The following RHEB variants were observed in gnomAD, a reference collection of about 807,000 sequenced individuals.
The protein encoded by RHEB is GTP-binding protein Rheb.
Under a neutral mutation model 28.8 loss-of-function variants are expected in RHEB, and 2 were observed. The observed-to-expected ratio is 0.07, with a 90% confidence interval of 0.03 to 0.22. The LOEUF is 0.22. Ranked by LOEUF, RHEB falls within the 10% of genes least tolerant of loss-of-function variation. The probability of loss-of-function intolerance (pLI) is 1.00; values close to 1 mark genes in which losing one functional copy is unlikely to be tolerated. For synonymous variants in RHEB, 69 were observed against 77.3 expected, an observed-to-expected ratio of 0.89 and a Z score of 0.56; for missense variants, 76 against 219.9, an observed-to-expected ratio of 0.35 and a Z score of 4.14.
At position 151,470,658 on chromosome 7, in the gene RHEB, G is replaced by GA. The variant is rs765337164; in HGVS notation, c.381-7dup. The GA allele has an allele frequency of 1.3e-6, 2 of 1,593,556 alleles. No homozygotes were observed. Among genetic ancestry groups the GA allele is most frequent in the Non-Finnish European group, 1.7e-6 (2 of 1,167,348 alleles). On this transcript the variant is annotated splice_polypyrimidine_tract_variant and splice_region_variant and intron_variant, in intron 6 of 7. Transcript: ENST00000262187. ...CTTCTTCATAACTGATCACCCTAAA[G>GA]AAAAAATAAAATTCTAGTTAAAGTA... is the stretch of plus-strand genomic sequence containing the variant.
intron 1 of RHEB, among the ~76,000 whole-genome samples, chr7:151,494,334 T>C (rs892830557): frequency 6.6e-6 from 1 of 151,688 alleles, no homozygotes; most frequent in Non-Finnish European, 1.5e-5. Context: ...CTTGCGGGAG[T>C]GAAGGGACGG....
intron 1 of RHEB, among the ~76,000 whole-genome samples, chr7:151,505,751 T>A (rs1481088483): frequency 6.6e-6 from 1 of 152,204 alleles, no homozygotes; most frequent in Non-Finnish European, 1.5e-5. Flanking sequence ...ATAACCCAAA[T>A]ATCCACCAAT....
chr7:151,497,966 C>A (rs1397643981), intron 1 of RHEB: 2 of 439,302 alleles, frequency 4.6e-6, no homozygotes, highest in Non-Finnish European at 8.8e-6. Flanking sequence ...CTCCCCTTTG[C>A]TCTCAGTGTT....
chr7:151,507,540 A>T (rs1802907756), intron 1 of RHEB, among the ~76,000 whole-genome samples: 1 of 152,154 alleles, frequency 6.6e-6, no homozygotes, highest in African/African-American at 2.4e-5. Flanking sequence ...ATTGTACAGA[A>T]CCTAAAAAGT....
At chr7:151,487,175 C>T (rs1313615873) in intron 2 of RHEB, among the ~76,000 whole-genome samples, 4 of 152,182 alleles carry the variant, frequency 2.6e-5, no homozygotes, top group Admixed American at 1.3e-4. Flanking sequence ...TGGTGGCTCA[C>T]GCCTGTAGTC....
chr7:151,501,043 T>G (rs752899279), intron 1 of RHEB, among the ~76,000 whole-genome samples: 1 of 152,104 alleles, frequency 6.6e-6, no homozygotes, highest in African/African-American at 2.4e-5. Context: ...GAAGAAGCAT[T>G]GGAAAAAAAT....
rs1240333654 is a variant in RHEB, at chr7:151,468,508, C to T, written c.463-1297G>A. Among the ~76,000 whole-genome samples, 1 of 152,250 alleles carries T rather than the reference C, an allele frequency of 6.6e-6. No individual in the cohort carries two copies. Among genetic ancestry groups the T allele is most frequent in the Non-Finnish European group, 1.5e-5 (1 of 68,038 alleles). On this transcript the variant is annotated intron_variant, in intron 7 of 7. Transcript: ENST00000262187. The surrounding 1 kb of genome is among the most constrained non-coding windows in gnomAD (Gnocchi z 4.3). ...GCGCAGACACTTGGTGCTGCCTAGCCACCCGCCTGCATCCCTGGATCTGGG... is the reference window on the plus strand; with the variant it reads ...GCGCAGACACTTGGTGCTGCCTAGCTACCCGCCTGCATCCCTGGATCTGGG...
At chr7:151,470,784 C>CATTA (rs1802147009) in intron 6 of RHEB, 132 bp from the exon 7 acceptor site, 1 of 607,590 alleles carries the variant, frequency 1.6e-6, no homozygotes. Context: ...CCTGGCCTAA[C>CATTA]ATTAGCATCA....
rs79912919 is a variant in RHEB, at chr7:151,498,456, A to C, written c.53-7442T>G. ...ACACAGTGAGACCCCCCCAGTCTCTATAAAAAAAATACAAAAAAAAATTAG... is the reference window on the plus strand; with the variant it reads ...ACACAGTGAGACCCCCCCAGTCTCTCTAAAAAAAATACAAAAAAAAATTAG... On this transcript the variant is annotated intron_variant, in intron 1 of 7. Coordinates refer to ENST00000262187, the MANE Select transcript of RHEB (RefSeq NM_005614.4). Among the ~76,000 whole-genome samples the C allele has an allele frequency of 9.5e-3, 1,445 of 152,140 alleles. 22 individuals are homozygous for C. The highest frequency in any genetic ancestry group is 0.032 in the African/African-American group (1,341 of 41,486).
rs561485941 is a variant in RHEB at position 151,497,640 on chromosome 7, C to T, written c.53-6626G>A. 2.6e-5 allele frequency among the ~76,000 whole-genome samples: 4 copies of T among 152,314 alleles called. No individual in the cohort carries two copies. In the East Asian group the frequency reaches 7.7e-4, roughly 29 times the overall value. On this transcript the variant is annotated intron_variant, in intron 1 of 7. Coordinates refer to ENST00000262187, the MANE Select transcript of RHEB (RefSeq NM_005614.4). Reference sequence around the variant, plus strand: ...CCCGATCGCCGCTATCCTCTATTCACCCAGTGTCCCAGCCTTGGTGCACAT... The same window carrying T: ...CCCGATCGCCGCTATCCTCTATTCATCCAGTGTCCCAGCCTTGGTGCACAT...
intron 3 of RHEB, among the ~76,000 whole-genome samples, chr7:151,477,910 A>C (rs772915189): frequency 2.6e-5 from 4 of 151,996 alleles, no homozygotes; most frequent in Non-Finnish European, 5.9e-5. Context: ...CAGCATCTGA[A>C]GGAGAGAGGG....
At chr7:151,493,513 G>A (rs111923380) in intron 1 of RHEB, among the ~76,000 whole-genome samples, 9 of 152,284 alleles carry the variant, frequency 5.9e-5, no homozygotes, top group African/African-American at 1.2e-4. Flanking sequence ...AGGGCCAGCC[G>A]ACACATTGTA....
At chr7:151,511,683 G>A (rs1270556257) in intron 1 of RHEB, among the ~76,000 whole-genome samples, 1 of 145,284 alleles carries the variant, frequency 6.9e-6, no homozygotes, top group African/African-American at 2.6e-5. Context: ...TTTTTGAGAT[G>A]GAGTCTTGCT....
At position 151,502,881 on chromosome 7, in the gene RHEB, T is replaced by C. The variant is rs1584864081; in HGVS notation, c.53-11867A>G. The stretch of plus-strand genomic sequence containing the variant: ...TTTGAACTAAGTCAATCTGATATGT[T>C]TGATCAGAGGTTACAATCGAAAGTT... On this transcript the variant is annotated intron_variant, in intron 1 of 7. Transcript: ENST00000262187. 1.6e-5 allele frequency: 14 copies of C among 850,654 alleles called. No individual in the cohort carries two copies. In the East Asian group the frequency reaches 3.1e-4, roughly 19 times the overall value. 52.7% of individuals were successfully genotyped at this position (850,654 alleles called of 1,614,324 possible). A position where few individuals can be genotyped will look rare whatever the true frequency, so the allele number is the denominator to read the frequency against.
chr7:151,518,007 T>C (rs1436271011), intron 1 of RHEB: 1 of 152,178 alleles, frequency 6.6e-6, no homozygotes, highest in African/African-American at 2.4e-5. Flanking sequence ...AGGCTGCCAA[T>C]AAAGGCTGGA....
intron 1 of RHEB, among the ~76,000 whole-genome samples, chr7:151,515,906 G>C (rs778418520): frequency 6.6e-5 from 10 of 152,128 alleles, no homozygotes; most frequent in Non-Finnish European, 1.2e-4. Context: ...CTTATTAACT[G>C]TATGTAAGAG....
chr7:151,504,514 T>C (rs1316728658), intron 1 of RHEB, among the ~76,000 whole-genome samples: 1 of 152,166 alleles, frequency 6.6e-6, no homozygotes, highest in African/African-American at 2.4e-5. Flanking sequence ...CATTTGCATT[T>C]GGTTGAGGAA....
chr7:151,492,346 G>A (rs1376051504), intron 1 of RHEB, among the ~76,000 whole-genome samples: 1 of 152,154 alleles, frequency 6.6e-6, no homozygotes, highest in Non-Finnish European at 1.5e-5. Context: ...CGGGTGTGGT[G>A]GCTCATGCTT....
rs748149301 is a variant in RHEB at position 151,470,597 on chromosome 7, A to G, written c.436T>C (p.Leu146=). 1 of 1,613,404 alleles carries G rather than the reference A, an allele frequency of 6.2e-7. No homozygotes were observed. The highest frequency in any genetic ancestry group is 1.7e-5 in the Admixed American group (1 of 60,008). ...ALAESWNAAF[L]ESSAKENQTA... ...TGATTTTCTTTAGCAGAAGATTCCAAAAAAGCTGCATTCCAAGATTCTGCC... is the reference window on the plus strand; with the variant it reads ...TGATTTTCTTTAGCAGAAGATTCCAGAAAAGCTGCATTCCAAGATTCTGCC... The change falls in exon 7 of 8, where the codon TTG becomes CTG. Residue 146 remains leucine, a synonymous_variant. Transcript: ENST00000262187.
Sources: allele counts gnomAD v4.1 joint callset (sites outside exome capture counted in the v4.1 genomes callset), GRCh38; gene constraint gnomAD v4.1.1; non-coding constraint Gnocchi (gnomAD v3.1); transcripts MANE v1.5; gene names NCBI Gene and HGNC (gene_info 2026-07-23, HGNC 2026-07-21).